CLVS1: variants seen among roughly 807,000 people sequenced by gnomAD.
CLVS1 encodes clavesin 1.
CLVS1 carries 10 observed loss-of-function variants against 33.1 expected under a neutral mutation model. The observed-to-expected ratio is 0.30, with a 90% confidence interval of 0.19 to 0.51. CLVS1 has a LOEUF of 0.51. Ranked by LOEUF, CLVS1 falls within the 20% of genes least tolerant of loss-of-function variation. CLVS1 has a pLI of 0.97. For missense variants in CLVS1, 343 were observed against 433.4 expected, an observed-to-expected ratio of 0.79 and a Z score of 1.85; for synonymous variants, 163 against 166.1, an observed-to-expected ratio of 0.98 and a Z score of 0.14.
intron 1 of CLVS1, among the ~76,000 whole-genome samples, chr8:61,065,479 G>C (rs576528440): frequency 2.0e-5 from 3 of 152,176 alleles, no homozygotes; most frequent in Admixed American, 2.0e-4. Context: ...CCACATAAAA[G>C]GTGAAGGGAG....
chr8:61,436,232 G>C (rs1563552582), intron 3 of CLVS1, among the ~76,000 whole-genome samples: 1 of 152,078 alleles, frequency 6.6e-6, no homozygotes, highest in Non-Finnish European at 1.5e-5. Context: ...GCTCATAAAT[G>C]CACTGCAATG....
At chr8:61,252,959 C>A (rs1808984589) in intron 2 of CLVS1, among the ~76,000 whole-genome samples, 2 of 152,112 alleles carry the variant, frequency 1.3e-5, no homozygotes, top group South Asian at 4.1e-4. Flanking sequence ...TTGATCCTGT[C>A]ATTTTGATGT....
intron 3 of CLVS1, among the ~76,000 whole-genome samples, chr8:61,448,402 C>A (rs1327685296): frequency 6.6e-6 from 1 of 151,948 alleles, no homozygotes. Context: ...TTGTTATAGA[C>A]CCCAAAAAGG....
chr8:61,191,478 G>T (rs1009199823), intron 2 of CLVS1, among the ~76,000 whole-genome samples: 1 of 152,048 alleles, frequency 6.6e-6, no homozygotes, highest in Non-Finnish European at 1.5e-5. Context: ...ACAGGGATGT[G>T]CTCTCTCACA....
chr8:61,163,470 A>G (rs190948522), intron 2 of CLVS1, among the ~76,000 whole-genome samples: 76 of 152,320 alleles, frequency 5.0e-4, no homozygotes, highest in African/African-American at 1.7e-3. Context: ...CTATATGTAA[A>G]AAAACGATCT....
chr8:61,382,883 G>A (rs1813940456), intron 3 of CLVS1, among the ~76,000 whole-genome samples: 3 of 152,138 alleles, frequency 2.0e-5, no homozygotes, highest in Admixed American at 2.0e-4. Context: ...CTGGGTCTCG[G>A]TTTCCTCATT....
intron 2 of CLVS1, among the ~76,000 whole-genome samples, chr8:61,305,600 G>T (rs1348151630): frequency 6.6e-6 from 1 of 152,064 alleles, no homozygotes; most frequent in Non-Finnish European, 1.5e-5. Context: ...GTGCAGGTTT[G>T]TTACGTAGGT....
chr8:61,357,410 G>C (rs1308715014), intron 2 of CLVS1, among the ~76,000 whole-genome samples: 4 of 150,106 alleles, frequency 2.7e-5, no homozygotes, highest in Non-Finnish European at 4.4e-5. Context: ...GAATCAAATG[G>C]TAAGTATATC....
At chr8:61,376,382 T>C (rs190792690) in intron 2 of CLVS1, among the ~76,000 whole-genome samples, 2 of 152,270 alleles carry the variant, frequency 1.3e-5, no homozygotes, top group Admixed American at 1.3e-4. Context: ...CTCATTAAGT[T>C]TGGGGTGCAG....
chr8:61,218,733 G>A (rs1326253542), intron 2 of CLVS1, among the ~76,000 whole-genome samples: 4 of 147,486 alleles, frequency 2.7e-5, no homozygotes, highest in Non-Finnish European at 5.9e-5. Flanking sequence ...TCAGGAGTTC[G>A]AGACCAGCCT....
intron 1 of CLVS1, among the ~76,000 whole-genome samples, chr8:61,129,618 A>G (rs1368953122): frequency 1.3e-5 from 2 of 152,156 alleles, no homozygotes; most frequent in Non-Finnish European, 2.9e-5. Flanking sequence ...TCTGTGTCCA[A>G]TAAGGCCACT....
At chr8:61,305,794 T>C (rs896361910) in intron 2 of CLVS1, among the ~76,000 whole-genome samples, 7 of 152,160 alleles carry the variant, frequency 4.6e-5, no homozygotes, top group Non-Finnish European at 1.0e-4. Flanking sequence ...CACTTATGAG[T>C]GAGGAAATGT....
chr8:61,082,640 T>C (rs1028943605), intron 1 of CLVS1, among the ~76,000 whole-genome samples: 1 of 152,200 alleles, frequency 6.6e-6, no homozygotes, highest in Non-Finnish European at 1.5e-5. Context: ...AAGAATCACA[T>C]CATAGTTCTC....
intron 2 of CLVS1, among the ~76,000 whole-genome samples, chr8:61,335,519 C>T (rs1310994392): frequency 6.6e-6 from 1 of 152,176 alleles, no homozygotes; most frequent in Non-Finnish European, 1.5e-5. Flanking sequence ...GCTCTGTAAG[C>T]ATTGTGTACC....
chr8:60,985,610 A>G, the CLVS1 span, among the ~76,000 whole-genome samples: 1 of 152,212 alleles, frequency 6.6e-6, no homozygotes, highest in Admixed American at 6.5e-5. Context: ...AAAAAACCCA[A>G]GAAAAGAAAA....
intron 2 of CLVS1, among the ~76,000 whole-genome samples, chr8:61,305,464 AAT>A (rs1160644339): frequency 6.6e-6 from 1 of 152,144 alleles, no homozygotes; most frequent in Non-Finnish European, 1.5e-5. Flanking sequence ...CACGTAACAT[AAT>A]GGCCTTCAGT....
chr8:61,261,578 G>A (rs74683665), intron 2 of CLVS1, among the ~76,000 whole-genome samples: 50 of 152,290 alleles, frequency 3.3e-4, no homozygotes, highest in African/African-American at 1.2e-3. Flanking sequence ...GATAGTATTA[G>A]GAGGTGGAGC....
At position 61,188,049 on chromosome 8, in the gene CLVS1, T is replaced by C. The variant is rs145557315; in HGVS notation, c.-152+56189T>C. ...ACTGAGACTGACAAATTTGAACTTT[T>C]GTTTTGATGGCTTTATGAGATGTGA... On this transcript the variant is annotated intron_variant, in intron 2 of 2. Transcript: ENST00000522621. Among the ~76,000 whole-genome samples, 103 of 152,204 alleles carry C rather than the reference T, an allele frequency of 6.8e-4. 1 individual carries two copies. Among genetic ancestry groups the C allele is most frequent in the African/African-American group, 2.2e-3 (90 of 41,572 alleles).
At chr8:61,108,593 A>C (rs1308209092) in intron 1 of CLVS1, among the ~76,000 whole-genome samples, 1 of 152,220 alleles carries the variant, frequency 6.6e-6, no homozygotes, top group East Asian at 1.9e-4. Flanking sequence ...GGTAAGCCTA[A>C]GTCAGTCTGT....
Sources: gnomAD v4.1 joint callset for allele counts (sites outside exome capture counted in the v4.1 genomes callset) on GRCh38, gnomAD v4.1.1 for gene constraint, MANE v1.5 for transcripts, NCBI Gene and HGNC (gene_info 2026-07-23, HGNC 2026-07-21) for gene names.